The following LARP7 variants were observed in gnomAD, a reference collection of about 807,000 sequenced individuals.
The protein encoded by LARP7 is la-related protein 7.
LARP7 carries 52 observed loss-of-function variants against 69.3 expected under a neutral mutation model. The observed-to-expected ratio is 0.75, with a 90% CI of 0.60 to 0.95. LARP7 has a LOEUF of 0.95. LARP7 is among the 40% of genes least tolerant of loss of function. The probability of loss-of-function intolerance (pLI) is 0.00; values close to 1 mark genes in which losing one functional copy is unlikely to be tolerated. For synonymous variants in LARP7, 254 were observed against 215.9 expected, an observed-to-expected ratio of 1.18 and a Z score of -1.55; for missense variants, 733 against 673.0, an observed-to-expected ratio of 1.09 and a Z score of -0.99.
chr4:112,643,438 G>C (rs1020674347), intron 1 of LARP7, among the ~76,000 whole-genome samples: 2 of 152,216 alleles, frequency 1.3e-5, no homozygotes, highest in African/African-American at 4.8e-5. Flanking sequence ...TGCAAGGACT[G>C]TATGGCTGGA....
chr4:112,648,247 G>T (rs368344055), intron 8 of LARP7: 1 of 531,004 alleles, frequency 1.9e-6, no homozygotes, highest in African/African-American at 1.9e-5. Flanking sequence ...ACGTTTAAGT[G>T]GTGGGGAGCC....
rs760956381 is a variant in LARP7 at position 112,650,509 on chromosome 4, G to T, written c.1343G>T (p.Gly448Val). The T allele has an allele frequency of 6.2e-7, 1 of 1,613,776 alleles. No individual in the cohort carries two copies. The highest frequency in any genetic ancestry group is 8.5e-7 in the Non-Finnish European group (1 of 1,179,800). ...CRTQEKVNAT[G>V]PQFVSGVIVK... ...ACCCAGGAGAAAGTTAATGCAACAGGACCACAGTTCGTGAGTGGAGTGATT... is the reference window on the plus strand; with the variant it reads ...ACCCAGGAGAAAGTTAATGCAACAGTACCACAGTTCGTGAGTGGAGTGATT... Residue 448 changes from glycine (G) to valine (V), a missense_variant, in exon 10 of 13, where the codon GGA (glycine) becomes GTA (valine). Gly to Val is a moderately radical substitution (Grantham distance 109, BLOSUM62 -3). Transcript: ENST00000344442.
In LARP7 at chr4:112,653,135, A is replaced by C. The variant is rs1291008973; in HGVS notation, c.1475A>C (p.Glu492Ala). The C allele has an allele frequency of 6.2e-7, 1 of 1,611,270 alleles. No individual in the cohort carries two copies. Among genetic ancestry groups the C allele is most frequent in the East Asian group, 2.2e-5 (1 of 44,750 alleles). ...LYVDLLEGDT[E>A]CHARFKTPED... ...GTTGATTTGCTAGAAGGGGATACAG[A>C]ATGCCATGCTAGATTTAAAACTCCT... The change falls in exon 11 of 13, where the codon GAA becomes GCA. Residue 492 changes from glutamate (E) to alanine (A), a missense_variant. Transcript: ENST00000344442.
chr4:112,653,929 AT>A, intron 11 of LARP7, 138 bp from the exon 12 acceptor site: 1 of 640,184 alleles, frequency 1.6e-6, no homozygotes, highest in Non-Finnish European at 2.7e-6. Context: ...TTTTTTTTCT[AT>A]TCTGTAATAT....
In LARP7 at chr4:112,647,063, A is replaced by G; in HGVS notation, c.582A>G (p.Pro194=). ...TTAACAACCCACCAGAAGAAGCACCAAGAAAACCTGGCATATTTCCTAAAA... is the reference window on the plus strand; with the variant it reads ...TTAACAACCCACCAGAAGAAGCACCGAGAAAACCTGGCATATTTCCTAAAA... ...EFLNNPPEEA[P]RKPGIFPKTV... is the part of the protein sequence containing the mutation. The change falls in exon 6 of 13, where the codon CCA becomes CCG. Residue 194 remains proline (P), a synonymous_variant. Transcript: ENST00000344442. The G allele has an allele frequency of 6.2e-7, 1 of 1,612,194 alleles. No individual in the cohort carries two copies. Among genetic ancestry groups the G allele is most frequent in the Non-Finnish European group, 8.5e-7 (1 of 1,179,582 alleles).
chr4:112,652,397 T>TTTATGC (rs2048786283), intron 10 of LARP7, among the ~76,000 whole-genome samples: 1 of 150,914 alleles, frequency 6.6e-6, no homozygotes, highest in Admixed American at 6.6e-5. Context: ...ATGCATTGTA[T>TTTATGC]ACTCTGTAAA....
rs141178932 is a variant in LARP7, at chr4:112,647,203, G to C, written c.651G>C (p.Glu217Asp). The C allele has an allele frequency of 0.012, 18,613 of 1,587,476 alleles. 153 individuals carry two copies. Among genetic ancestry groups the C allele is most frequent in the Non-Finnish European group, 0.014 (15,997 of 1,172,560 alleles). The change falls in exon 7 of 13, where the codon GAG becomes GAC. Residue 217 changes from glutamate to aspartate, a missense_variant. Physicochemically the swap from Glu to Asp is conservative, Grantham distance 45 (BLOSUM62 2). Coordinates refer to ENST00000344442, the MANE Select transcript of LARP7 (RefSeq NM_016648.4). ...ATAATGATGGCACTTTTACAGAAGA[G>C]AAGAAAAAGAAAAAGAAGAAGAAAG... Reference protein sequence around the residue: ...KPIPALRVVEEKKKKKKKKGR... With the variant: ...KPIPALRVVEDKKKKKKKKGR...
Position 112,651,178 on chromosome 4 carries a change from G to T in LARP7, c.1416+596G>T, listed in dbSNP as rs2048714624. On this transcript the variant is annotated intron_variant, in intron 10 of 12. Transcript: ENST00000344442. ...AAGTGAATCCTTTTCTTTTTAAAAA[G>T]TGTGAAATGCTCTGTAACATACCAC... Among the ~76,000 whole-genome samples the T allele has an allele frequency of 2.0e-5, 3 of 152,098 alleles. No individual in the cohort carries two copies. The South Asian group carries it at 6.2e-4, about 31-fold the overall frequency.
chr4:112,654,400 C>T (rs2048876883), intron 12 of LARP7: 2 of 372,824 alleles, frequency 5.4e-6, no homozygotes, highest in East Asian at 9.4e-5. Context: ...TCTTTTTAAC[C>T]AGTGATATAC....
At chr4:112,639,358 T>C (rs1250778364) in intron 1 of LARP7, among the ~76,000 whole-genome samples, 1 of 151,896 alleles carries the variant, frequency 6.6e-6, no homozygotes, top group African/African-American at 2.4e-5. Flanking sequence ...TACAGGCGCC[T>C]GCCACCATGC....
intron 9 of LARP7, chr4:112,650,082 C>A (rs2048648024): frequency 5.5e-6 from 1 of 180,646 alleles, no homozygotes; most frequent in South Asian, 1.4e-4. Context: ...ATTTTAAATT[C>A]TCATTTCTTG....
chr4:112,655,202 T>C (rs2048908384), intron 12 of LARP7, among the ~76,000 whole-genome samples: 1 of 152,198 alleles, frequency 6.6e-6, no homozygotes, highest in African/African-American at 2.4e-5. Context: ...CAAAGCCAGT[T>C]TGAGATTATT....
intron 1 of LARP7, among the ~76,000 whole-genome samples, chr4:112,639,421 G>A (rs904860218): frequency 3.3e-5 from 5 of 151,576 alleles, no homozygotes; most frequent in Non-Finnish European, 5.9e-5. Context: ...TAGTAGAGAC[G>A]TGGTCTCACC....
At position 112,647,549 on chromosome 4, in the gene LARP7, G is replaced by A; in HGVS notation, c.997G>A (p.Asp333Asn). 1 of 1,583,802 alleles carries A rather than the reference G, an allele frequency of 6.3e-7. No homozygotes were observed. Among genetic ancestry groups the A allele is most frequent in the Non-Finnish European group, 8.6e-7 (1 of 1,166,878 alleles). The change falls in exon 7 of 13, where the codon GAT becomes AAT. Residue 333 changes from aspartate to asparagine, a missense_variant and splice_region_variant. Physicochemically the swap from Asp to Asn is conservative, Grantham distance 23 (BLOSUM62 1). Coordinates refer to ENST00000344442, the MANE Select transcript of LARP7 (RefSeq NM_016648.4). ...ATCAGAAGCTTCCAAGGAAAATAGA[G>A]GTAAAACTACAAGGTTTTAATTAGA... ...EASEASKENR[D>N]IEISTEEEKD...
rs1459086220 is a variant in LARP7, at chr4:112,646,906, T to A, written c.503T>A (p.Phe168Tyr). Residue 168 changes from phenylalanine to tyrosine, a missense_variant, in exon 5 of 13, where the codon TTT becomes TAT. Transcript: ENST00000344442. Reference protein sequence around the residue: ...HYKSTGDPKGFAFVEFETKEQ... With the variant: ...HYKSTGDPKGYAFVEFETKEQ... ...AAGTCTACTGGAGATCCAAAGGGAT[T>A]TGCGTTTGTGGAATTTGAAACAAAA... 1.2e-6 allele frequency: 2 copies of A among 1,610,156 alleles called. No individual in the cohort carries two copies. The highest frequency in any genetic ancestry group is 1.7e-6 in the Non-Finnish European group (2 of 1,179,286).
chr4:112,643,058 T>A (rs2048023155), intron 1 of LARP7, among the ~76,000 whole-genome samples: 1 of 152,264 alleles, frequency 6.6e-6, no homozygotes, highest in East Asian at 1.9e-4. Context: ...CGAGGCACAA[T>A]TTATTCAACA....
At chr4:112,640,227 C>A (rs1456794975) in intron 1 of LARP7, among the ~76,000 whole-genome samples, 4 of 152,204 alleles carry the variant, frequency 2.6e-5, no homozygotes, top group Non-Finnish European at 5.9e-5. Flanking sequence ...GCGTGAACCA[C>A]TGCACCTGGC....
intron 10 of LARP7, 110 bp downstream of exon 10, chr4:112,650,692 C>A: frequency 3.3e-6 from 4 of 1,212,350 alleles, no homozygotes; most frequent in Non-Finnish European, 4.5e-6. Flanking sequence ...GAATTTGTTT[C>A]CCTATGGTAA....
chr4:112,652,136 T>A (rs76534081), intron 10 of LARP7, among the ~76,000 whole-genome samples: 10,092 of 152,068 alleles, frequency 0.066, 939 homozygotes, highest in African/African-American at 0.21. Flanking sequence ...TATTAACTGA[T>A]AAACTTTTCT....
Sources: allele counts gnomAD v4.1 joint callset (sites outside exome capture counted in the v4.1 genomes callset), GRCh38; gene constraint gnomAD v4.1.1; transcripts MANE v1.5; gene names NCBI Gene and HGNC (gene_info 2026-07-23, HGNC 2026-07-21).